Variants in MYO5A observed in about 807,000 individuals in gnomAD.
The protein encoded by MYO5A is unconventional myosin-Va.
A neutral mutation model predicts 249.7 loss-of-function variants in MYO5A; 98 were observed. The ratio of observed to expected loss-of-function variants is 0.39; its 90% confidence interval spans 0.33 to 0.46. The LOEUF is 0.46. Ranked by LOEUF, MYO5A falls within the 20% of genes least tolerant of loss-of-function variation. The probability of loss-of-function intolerance (pLI) is 0.98; values close to 1 mark genes in which losing one functional copy is unlikely to be tolerated. For synonymous variants in MYO5A, 778 were observed against 810.6 expected, an observed-to-expected ratio of 0.96 and a Z score of 0.68; for missense variants, 1,696 against 2,308.8, an observed-to-expected ratio of 0.73 and a Z score of 5.44.
chr15:52,508,377 T>C (rs2077317177), intron 1 of MYO5A, among the ~76,000 whole-genome samples: 1 of 144,572 alleles, frequency 6.9e-6, no homozygotes, highest in East Asian at 2.0e-4. Flanking sequence ...GTTAGGGTTT[T>C]ATAAGGAAAA....
intron 28 of MYO5A, 59 bp downstream of exon 28, chr15:52,351,195 A>G (rs1307320405): frequency 1.5e-5 from 19 of 1,281,020 alleles, no homozygotes; most frequent in Admixed American, 1.9e-5. Context: ...GAGGGAAGGG[A>G]TAAGAAGATA....
chr15:52,342,969 G>T, intron 31 of MYO5A, 148 bp downstream of exon 31: 1 of 717,942 alleles, frequency 1.4e-6, no homozygotes, highest in Non-Finnish European at 2.5e-6. Context: ...TTACTGAAAA[G>T]CTTTGAACAA....
At chr15:52,426,495 C>T (rs1231091577) in intron 3 of MYO5A, among the ~76,000 whole-genome samples, 1 of 152,140 alleles carries the variant, frequency 6.6e-6, no homozygotes, top group Non-Finnish European at 1.5e-5. Flanking sequence ...TAGGGTCTCA[C>T]CCTGTCACCC....
intron 1 of MYO5A, among the ~76,000 whole-genome samples, chr15:52,471,883 G>C (rs1433321926): frequency 6.6e-6 from 1 of 152,002 alleles, no homozygotes; most frequent in Non-Finnish European, 1.5e-5. Flanking sequence ...ATTTGTTGTA[G>C]AGTCAGTGTC....
intron 1 of MYO5A, among the ~76,000 whole-genome samples, chr15:52,526,928 G>T (rs538378768): frequency 6.6e-6 from 1 of 152,266 alleles, no homozygotes; most frequent in African/African-American, 2.4e-5. Context: ...AGAACGGAGG[G>T]TGTCCAATCT....
intron 22 of MYO5A, among the ~76,000 whole-genome samples, chr15:52,367,511 C>G (rs749177309): frequency 8.6e-5 from 13 of 152,030 alleles, no homozygotes; most frequent in Non-Finnish European, 1.9e-4. Context: ...AAAAAATTGC[C>G]TGGCACTAAG....
intron 9 of MYO5A, among the ~76,000 whole-genome samples, chr15:52,402,300 A>G (rs1448057980): frequency 6.6e-6 from 1 of 152,160 alleles, no homozygotes; most frequent in Admixed American, 6.5e-5. Context: ...ACTTGGCACC[A>G]AAGTGTGGGT....
Position 52,428,446 on chromosome 15 carries a change from T to C in MYO5A, c.262A>G (p.Asn88Asp). The C allele has an allele frequency of 9.3e-6, 15 of 1,614,156 alleles. No individual in the cohort carries two copies. The highest frequency in any genetic ancestry group is 1.3e-5 in the Non-Finnish European group (15 of 1,180,004). The change falls in exon 3 of 42, where the codon AAT (asparagine) becomes GAT (aspartate). Residue 88 changes from asparagine to aspartate, a missense_variant. This residue lies in a region of MYO5A where 197 missense variants were observed against 320.3 expected (regional missense o/e 0.62). Transcript: ENST00000399233. ...SYLHEPAVLHNLRVRFIDSKL... is the reference protein window; with the variant it reads ...SYLHEPAVLHDLRVRFIDSKL... Reference sequence around the variant, plus strand: ...GAATCAATAAAGCGGACTCTGAGATTATGGAGCACAGCAGGCTCATGAAGA... The same window carrying C: ...GAATCAATAAAGCGGACTCTGAGATCATGGAGCACAGCAGGCTCATGAAGA...
At chr15:52,435,063 G>A (rs2141315734) in intron 1 of MYO5A, among the ~76,000 whole-genome samples, 1 of 152,272 alleles carries the variant, frequency 6.6e-6, no homozygotes, top group Middle Eastern at 3.4e-3. Context: ...TAAGTACTGG[G>A]CACAAAGTTC....
chr15:52,440,068 C>T (rs751062367), intron 1 of MYO5A, among the ~76,000 whole-genome samples: 41 of 152,202 alleles, frequency 2.7e-4, no homozygotes, highest in Non-Finnish European at 4.7e-4. Flanking sequence ...ATGAGGCCTG[C>T]CTGGCAGCAA....
In MYO5A at chr15:52,485,259, T is replaced by TAAAAAAAAAAAAAAAAAAAAAAAAAA. The variant is rs72085613; in HGVS notation, c.27+43520_27+43521insTTTTTTTTTTTTTTTTTTTTTTTTTT. Among the ~76,000 whole-genome samples the TAAAAAAAAAAAAAAAAAAAAAAAAAA allele has an allele frequency of 3.9e-5, 4 of 102,760 alleles. 1 individual carries two copies. The highest frequency in any genetic ancestry group is 7.2e-5 in the African/African-American group (2 of 27,800). 67.4% of individuals were successfully genotyped at this position (102,760 alleles called of 152,430 possible). ...AAAAGAGAATAAAGAATTCACTATGTAAAAAAAAAAAAAAAAAAAACAAGA... is the reference window on the plus strand; with the variant it reads ...AAAAGAGAATAAAGAATTCACTATGTAAAAAAAAAAAAAAAAAAAAAAAAAAAAAAAAAAAAAAAAAAAAAACAAGA... On this transcript the variant is annotated intron_variant, in intron 1 of 41. Coordinates refer to ENST00000399233, the MANE Select transcript of MYO5A (RefSeq NM_001382347.1).
At chr15:52,426,076 A>G in intron 3 of MYO5A, 102 bp from the exon 4 acceptor site, 1 of 1,017,686 alleles carries the variant, frequency 9.8e-7, no homozygotes, top group Non-Finnish European at 1.5e-6. Flanking sequence ...ACAATCCTTC[A>G]TTTCAATTTA....
intron 33 of MYO5A, 95 bp from the exon 34 acceptor site, chr15:52,336,651 G>C (rs1008614513): frequency 2.0e-6 from 2 of 991,362 alleles, no homozygotes; most frequent in Admixed American, 2.1e-5. Context: ...GAAACAACAC[G>C]TTAGTTTTAC....
Position 52,413,994 on chromosome 15 carries a change from T to C in MYO5A, c.612+2151A>G, listed in dbSNP as rs558546037. Among the ~76,000 whole-genome samples the C allele has an allele frequency of 5.3e-5, 8 of 152,336 alleles. No homozygotes were observed. The South Asian group carries it at 1.2e-3, about 24-fold the overall frequency. On this transcript the variant is annotated intron_variant, in intron 5 of 41. Transcript: ENST00000399233. ...TCCCCACCAAAATTCATGTTGAAAT[T>C]TGATCCCCAATGTGAAGGTGCTGGG...
intron 1 of MYO5A, among the ~76,000 whole-genome samples, chr15:52,442,872 C>G (rs897222010): frequency 2.0e-5 from 3 of 151,864 alleles, no homozygotes; most frequent in Non-Finnish European, 4.4e-5. Context: ...TCTCTTCCCT[C>G]AGCCTCCCAA....
At chr15:52,323,520 A>G in intron 36 of MYO5A, 76 bp from the exon 37 acceptor site, 2 of 1,007,184 alleles carry the variant, frequency 2.0e-6, no homozygotes, top group South Asian at 2.6e-5. Context: ...ACAGATACCA[A>G]AAGACCCATT....
chr15:52,340,295 T>C lies in MYO5A; in HGVS notation c.4140A>G (p.Arg1380=), dbSNP rs2039317485. ...GGTTCTGGGCCAGCAGCTGCTGCTGTCGGTTGTTCTCCTCCTTCAGGCTCT... is the reference window on the plus strand; with the variant it reads ...GGTTCTGGGCCAGCAGCTGCTGCTGCCGGTTGTTCTCCTCCTTCAGGCTCT... The part of the protein sequence containing the change: ...EIQSLKEENN[R]QQQLLAQNLQ... Residue 1380 remains arginine (R), a synonymous_variant, in exon 32 of 42, where the codon CGA becomes CGG. Transcript: ENST00000399233. 1 of 1,613,996 alleles carries C rather than the reference T, an allele frequency of 6.2e-7. No individual in the cohort carries two copies.
intron 1 of MYO5A, among the ~76,000 whole-genome samples, chr15:52,517,146 C>A (rs529739402): frequency 2.6e-4 from 40 of 152,282 alleles, no homozygotes; most frequent in African/African-American, 8.9e-4. Context: ...TCACCCTATC[C>A]CTCAGGCAAT....
intron 1 of MYO5A, among the ~76,000 whole-genome samples, chr15:52,437,195 A>G (rs144217575): frequency 6.6e-6 from 1 of 152,340 alleles, no homozygotes; most frequent in East Asian, 1.9e-4. Context: ...AAATATTTCT[A>G]TGTACTAACT....
Sources: gnomAD v4.1 joint callset for allele counts (sites outside exome capture counted in the v4.1 genomes callset) on GRCh38, gnomAD v4.1.1 for gene constraint, gnomAD v4.1.1 regional missense constraint, MANE v1.5 for transcripts, NCBI Gene and HGNC (gene_info 2026-07-23, HGNC 2026-07-21) for gene names.